PFN3: variants seen among roughly 807,000 people sequenced by gnomAD.
PFN3 encodes profilin-3.
PFN3 carries 7 observed loss-of-function variants against 6.2 expected under a neutral mutation model. That is an observed-to-expected ratio of 1.13 (90% confidence interval 0.64 to 2.13). The LOEUF (loss-of-function observed/expected upper bound fraction) is 2.13. PFN3 is among the 30% of genes most tolerant of loss of function. The probability of loss-of-function intolerance (pLI) is 0.00; values close to 1 mark genes in which losing one functional copy is unlikely to be tolerated. For synonymous variants in PFN3, 112 were observed against 97.7 expected (o/e 1.15, Z -0.87); for missense variants, 251 against 209.3 (o/e 1.20, Z -1.23).
rs776224837 is a variant in PFN3, at chr5:177,400,444, G to A, written c.133C>T (p.Pro45Ser). 8 of 1,553,510 alleles carry A rather than the reference G, an allele frequency of 5.1e-6. No individual in the cohort carries two copies. Among genetic ancestry groups the A allele is most frequent in the Non-Finnish European group, 6.9e-6 (8 of 1,156,246 alleles). The change falls in exon 1 of 1, where the codon CCG (proline) becomes TCG (serine). Residue 45 changes from proline (P) to serine (S), a missense_variant. Transcript: ENST00000358571. ...CCCGTGAGCACGCCCACCTCCTGCG[G>A]CGAGATGGCCGCCAGCAGGCCCCCG... ...RPGGLLAAIS[P>S]QEVGVLTGPD...
chr5:177,400,207 T>A lies in PFN3; in HGVS notation c.370A>T (p.Thr124Ser). Residue 124 changes from threonine to serine, a missense_variant, in exon 1 of 1, where the codon ACG becomes TCG. Physicochemically the swap from Thr to Ser is moderately conservative, Grantham distance 58. Transcript: ENST00000358571. ...AGCCCGCGTATGAGTTCGTGCACCG[T>A]CTTGTTGAGGATGCCCCCATGTACG... Reference protein sequence around the residue: ...RGVHGGILNKTVHELIRGLRM... With the variant: ...RGVHGGILNKSVHELIRGLRM... 6.2e-7 allele frequency: 1 copy of A among 1,612,030 alleles called. No homozygotes were observed. Among genetic ancestry groups the A allele is most frequent in the African/African-American group, 1.3e-5 (1 of 75,024 alleles).
rs767386787 is a variant in PFN3 at position 177,400,577 on chromosome 5, C to A, written c.-1G>T. The A allele has an allele frequency of 6.3e-7, 1 of 1,593,560 alleles. No homozygotes were observed. Among genetic ancestry groups the A allele is most frequent in the Non-Finnish European group, 8.5e-7 (1 of 1,177,904 alleles). On this transcript the variant is annotated 5_prime_UTR_variant, in exon 1 of 1. Coordinates refer to ENST00000358571, the MANE Select transcript of PFN3 (RefSeq NM_001029886.3). The stretch of plus-strand genomic sequence containing the variant: ...TGATGTAGACCTTCCAGTCGCCCAT[C>A]GCGCTCCGAGTGCGCCCAGCCGCCT...
At position 177,400,572 on chromosome 5, in the gene PFN3, C is replaced by G. The variant is rs774393540; in HGVS notation, c.5G>C (p.Gly2Ala). 1 of 1,594,414 alleles carries G rather than the reference C, an allele frequency of 6.3e-7. No homozygotes were observed. Among genetic ancestry groups the G allele is most frequent in the Non-Finnish European group, 8.5e-7 (1 of 1,178,264 alleles). ...TGCACTGATGTAGACCTTCCAGTCGCCCATCGCGCTCCGAGTGCGCCCAGC... is the reference window on the plus strand; with the variant it reads ...TGCACTGATGTAGACCTTCCAGTCGGCCATCGCGCTCCGAGTGCGCCCAGC... M[G>A]DWKVYISAVL... The change falls in exon 1 of 1, where the codon GGC becomes GCC. Residue 2 changes from glycine to alanine, a missense_variant. Gly to Ala is a moderately conservative substitution (Grantham distance 60). Coordinates refer to ENST00000358571, the MANE Select transcript of PFN3 (RefSeq NM_001029886.3).
rs556590212 is a variant in PFN3, at chr5:177,400,296, T to A, written c.281A>T (p.Asp94Val). Residue 94 changes from aspartate (D) to valine (V), a missense_variant, in exon 1 of 1, where the codon GAC becomes GTC. Physicochemically the swap from Asp to Val is radical, Grantham distance 152. Coordinates refer to ENST00000358571, the MANE Select transcript of PFN3 (RefSeq NM_001029886.3). ...ACGGCCCACGCACACGGCGCGCGCGTCCAGCCCCTTGGTGCGTGCGTCCAG... is the reference window on the plus strand; with the variant it reads ...ACGGCCCACGCACACGGCGCGCGCGACCAGCCCCTTGGTGCGTGCGTCCAG... ...GVLDARTKGL[D>V]ARAVCVGRAP... 1 of 1,586,938 alleles carries A rather than the reference T, an allele frequency of 6.3e-7. No homozygotes were observed. Among genetic ancestry groups the A allele is most frequent in the South Asian group, 1.1e-5 (1 of 88,602 alleles).
chr5:177,400,416 G>T lies in PFN3; in HGVS notation c.161C>A (p.Pro54Gln). 6.5e-7 allele frequency: 1 copy of T among 1,541,302 alleles called. No homozygotes were observed. The highest frequency in any genetic ancestry group is 8.7e-7 in the Non-Finnish European group (1 of 1,147,416). Residue 54 changes from proline to glutamine, a missense_variant, in exon 1 of 1, where the codon CCG becomes CAG. Pro to Gln is a moderately conservative substitution (Grantham distance 76). Coordinates refer to ENST00000358571, the MANE Select transcript of PFN3 (RefSeq NM_001029886.3). The part of the protein sequence containing the change: ...SPQEVGVLTG[P>Q]DRHTFLQAGL... The stretch of plus-strand genomic sequence containing the variant: ...CGCCTGCAGGAAGGTGTGCCTGTCC[G>T]GCCCCGTGAGCACGCCCACCTCCTG...
Position 177,400,459 on chromosome 5 carries a change from G to A in PFN3, c.118C>T (p.Leu40=), listed in dbSNP as rs1211918852. ...CVWASRPGGL[L]AAISPQEVGV... ...ACCTCCTGCGGCGAGATGGCCGCCAGCAGGCCCCCGGGCCGCGAAGCCCAC... is the reference window on the plus strand; with the variant it reads ...ACCTCCTGCGGCGAGATGGCCGCCAACAGGCCCCCGGGCCGCGAAGCCCAC... Residue 40 remains leucine, a synonymous_variant, in exon 1 of 1, where the codon CTG becomes TTG. Transcript: ENST00000358571. 6.4e-7 allele frequency: 1 copy of A among 1,566,610 alleles called. No individual in the cohort carries two copies. The highest frequency in any genetic ancestry group is 8.6e-7 in the Non-Finnish European group (1 of 1,163,802).
At position 177,400,645 on chromosome 5, in the gene PFN3, C is replaced by T. The variant is rs6869526; in HGVS notation, c.-69G>A. On this transcript the variant is annotated 5_prime_UTR_variant, in exon 1 of 1. Coordinates refer to ENST00000358571, the MANE Select transcript of PFN3 (RefSeq NM_001029886.3). ...TATAGAGGCGCCACGCGGGGAAGGC[C>T]TGCGGCGCTGTGAGGCAGGCTGGGC... is the stretch of plus-strand genomic sequence containing the variant. 4.5e-3 allele frequency: 6,893 copies of T among 1,522,522 alleles called. 219 individuals carry two copies. The African/African-American group carries it at 0.08, about 18-fold the overall frequency. 94.3% of individuals were successfully genotyped at this position (1,522,522 alleles called of 1,614,324 possible). A position where few individuals can be genotyped will look rare whatever the true frequency, so the allele number is the denominator to read the frequency against.
rs1472969887 is a variant in PFN3, at chr5:177,400,259, C to G, written c.318G>C (p.Ala106=). Residue 106 remains alanine (A), a synonymous_variant, in exon 1 of 1, where the codon GCG becomes GCC. Transcript: ENST00000358571. ...RAVCVGRAPR[A]LLVLMGRRGV... is the part of the protein sequence containing the mutation. The stretch of plus-strand genomic sequence containing the variant: ...CGCGTCGGCCCATTAGCACCAGGAG[C>G]GCGCGCGGCGCACGGCCCACGCACA... The G allele has an allele frequency of 6.2e-7, 1 of 1,608,832 alleles. No homozygotes were observed. Among genetic ancestry groups the G allele is most frequent in the Non-Finnish European group, 8.5e-7 (1 of 1,178,136 alleles).
rs761244596 is a variant in PFN3 at position 177,400,354 on chromosome 5, G to A, written c.223C>T (p.Arg75Cys). 3 of 1,534,778 alleles carry A rather than the reference G, an allele frequency of 2.0e-6. No individual in the cohort carries two copies. Among genetic ancestry groups the A allele is most frequent in the Middle Eastern group, 1.7e-4 (1 of 5,912 alleles). Residue 75 changes from arginine (R) to cysteine (C), a missense_variant, in exon 1 of 1, where the codon CGC becomes TGC. Arg to Cys is a radical substitution (Grantham distance 180, BLOSUM62 -3). Transcript: ENST00000358571. ...TCACCCTCGGCCAGCAGGTGGTCGCGGATGACGCAGCAGCGGCGGCCCCCC... is the reference window on the plus strand; with the variant it reads ...TCACCCTCGGCCAGCAGGTGGTCGCAGATGACGCAGCAGCGGCGGCCCCCC... ...SVGGRRCCVIRDHLLAEGDGV... is the reference protein window; with the variant it reads ...SVGGRRCCVICDHLLAEGDGV...
rs1056680130 is a variant in PFN3, at chr5:177,400,659, G to A, written c.-83C>T. On this transcript the variant is annotated 5_prime_UTR_variant, in exon 1 of 1. Transcript: ENST00000358571. ...GCGGGGAAGGCCTGCGGCGCTGTGA[G>A]GCAGGCTGGGCGGGGCTGTGACGTC... The A allele has an allele frequency of 3.3e-5, 49 of 1,490,516 alleles. No homozygotes were observed. The highest frequency in any genetic ancestry group is 7.5e-5 in the East Asian group (3 of 39,876). The allele number at this position is 1,490,516 out of a possible 1,614,324, so 92.3% of individuals were successfully genotyped here.
At position 177,400,239 on chromosome 5, in the gene PFN3, C is replaced by G. The variant is rs774566804; in HGVS notation, c.338G>C (p.Arg113Pro). 1.2e-6 allele frequency: 2 copies of G among 1,611,552 alleles called. No homozygotes were observed. Among genetic ancestry groups the G allele is most frequent in the Admixed American group, 3.3e-5 (2 of 59,930 alleles). ...GAGGATGCCCCCATGTACGCCGCGTCGGCCCATTAGCACCAGGAGCGCGCG... is the reference window on the plus strand; with the variant it reads ...GAGGATGCCCCCATGTACGCCGCGTGGGCCCATTAGCACCAGGAGCGCGCG... ...APRALLVLMGRRGVHGGILNK... is the reference protein window; with the variant it reads ...APRALLVLMGPRGVHGGILNK... The change falls in exon 1 of 1, where the codon CGA becomes CCA. Residue 113 changes from arginine (R) to proline (P), a missense_variant. Transcript: ENST00000358571.
chr5:177,400,443 G>A lies in PFN3; in HGVS notation c.134C>T (p.Pro45Leu). ...CCCCGTGAGCACGCCCACCTCCTGC[G>A]GCGAGATGGCCGCCAGCAGGCCCCC... ...RPGGLLAAIS[P>L]QEVGVLTGPD... is the part of the protein sequence containing the mutation. The change falls in exon 1 of 1, where the codon CCG becomes CTG. Residue 45 changes from proline to leucine, a missense_variant. Transcript: ENST00000358571. 4.5e-6 allele frequency: 7 copies of A among 1,552,822 alleles called. No homozygotes were observed. Among genetic ancestry groups the A allele is most frequent in the Non-Finnish European group, 6.1e-6 (7 of 1,155,752 alleles).
rs1763097425 is a variant in PFN3 at position 177,400,308 on chromosome 5, G to C, written c.269C>G (p.Thr90Ser). ...AEGDGVLDARTKGLDARAVCV... is the reference protein window; with the variant it reads ...AEGDGVLDARSKGLDARAVCV... Reference sequence around the variant, plus strand: ...CACGGCGCGCGCGTCCAGCCCCTTGGTGCGTGCGTCCAGCACGCCGTCACC... The same window carrying C: ...CACGGCGCGCGCGTCCAGCCCCTTGCTGCGTGCGTCCAGCACGCCGTCACC... The change falls in exon 1 of 1, where the codon ACC becomes AGC. Residue 90 changes from threonine to serine, a missense_variant. Physicochemically the swap from Thr to Ser is moderately conservative, Grantham distance 58. Transcript: ENST00000358571. 2 of 1,575,304 alleles carry C rather than the reference G, an allele frequency of 1.3e-6. No homozygotes were observed. Among genetic ancestry groups the C allele is most frequent in the Admixed American group, 3.7e-5 (2 of 53,688 alleles).
Position 177,400,349 on chromosome 5 carries a change from G to A in PFN3, c.228C>T (p.Asp76=), listed in dbSNP as rs1763099762. The change falls in exon 1 of 1, where the codon GAC becomes GAT. Residue 76 remains aspartate (D), a synonymous_variant. Coordinates refer to ENST00000358571, the MANE Select transcript of PFN3 (RefSeq NM_001029886.3). ...VGGRRCCVIR[D]HLLAEGDGVL... ...CGCCGTCACCCTCGGCCAGCAGGTG[G>A]TCGCGGATGACGCAGCAGCGGCGGC... 2 of 1,535,894 alleles carry A rather than the reference G, an allele frequency of 1.3e-6. No individual in the cohort carries two copies. The highest frequency in any genetic ancestry group is 1.8e-6 in the Non-Finnish European group (2 of 1,142,248).
Position 177,400,240 on chromosome 5 carries a change from G to C in PFN3, c.337C>G (p.Arg113Gly), listed in dbSNP as rs759887952. The C allele has an allele frequency of 1.2e-6, 2 of 1,611,468 alleles. No individual in the cohort carries two copies. The highest frequency in any genetic ancestry group is 1.7e-5 in the Admixed American group (1 of 59,924). ...AGGATGCCCCCATGTACGCCGCGTC[G>C]GCCCATTAGCACCAGGAGCGCGCGC... ...APRALLVLMGRRGVHGGILNK... is the reference protein window; with the variant it reads ...APRALLVLMGGRGVHGGILNK... The change falls in exon 1 of 1, where the codon CGA (arginine) becomes GGA (glycine). Residue 113 changes from arginine to glycine, a missense_variant. Transcript: ENST00000358571.
rs779334502 is a variant in PFN3 at position 177,400,414 on chromosome 5, C to G, written c.163G>C (p.Asp55His). 2.6e-6 allele frequency: 4 copies of G among 1,540,906 alleles called. No individual in the cohort carries two copies. Among genetic ancestry groups the G allele is most frequent in the Middle Eastern group, 1.7e-4 (1 of 5,922 alleles). Reference protein sequence around the residue: ...PQEVGVLTGPDRHTFLQAGLS... With the variant: ...PQEVGVLTGPHRHTFLQAGLS... Reference sequence around the variant, plus strand: ...CCCGCCTGCAGGAAGGTGTGCCTGTCCGGCCCCGTGAGCACGCCCACCTCC... The same window carrying G: ...CCCGCCTGCAGGAAGGTGTGCCTGTGCGGCCCCGTGAGCACGCCCACCTCC... The change falls in exon 1 of 1, where the codon GAC (aspartate) becomes CAC (histidine). Residue 55 changes from aspartate to histidine, a missense_variant. Coordinates refer to ENST00000358571, the MANE Select transcript of PFN3 (RefSeq NM_001029886.3).
At position 177,400,560 on chromosome 5, in the gene PFN3, A is replaced by C; in HGVS notation, c.17T>G (p.Val6Gly). 1 of 1,595,756 alleles carries C rather than the reference A, an allele frequency of 6.3e-7. No individual in the cohort carries two copies. Among genetic ancestry groups the C allele is most frequent in the Non-Finnish European group, 8.5e-7 (1 of 1,178,712 alleles). Residue 6 changes from valine (V) to glycine (G), a missense_variant, in exon 1 of 1, where the codon GTC becomes GGC. Transcript: ENST00000358571. ...GTCCCGCAGCACTGCACTGATGTAGACCTTCCAGTCGCCCATCGCGCTCCG... is the reference window on the plus strand; with the variant it reads ...GTCCCGCAGCACTGCACTGATGTAGCCCTTCCAGTCGCCCATCGCGCTCCG... MGDWKVYISAVLRDQR... is the reference protein window; with the variant it reads MGDWKGYISAVLRDQR...
In PFN3 at chr5:177,400,131, C is replaced by T. The variant is rs557123546; in HGVS notation, c.*32G>A. On this transcript the variant is annotated 3_prime_UTR_variant, in exon 1 of 1. Coordinates refer to ENST00000358571, the MANE Select transcript of PFN3 (RefSeq NM_001029886.3). ...GCGCCCAGGTCACAGTTTATTTGGC[C>T]CGCGCTACCAGTGGGCGGCCTGGCT... 6.2e-7 allele frequency: 1 copy of T among 1,606,444 alleles called. No homozygotes were observed. The highest frequency in any genetic ancestry group is 1.3e-5 in the African/African-American group (1 of 74,564).
chr5:177,400,610 C>T lies in PFN3; in HGVS notation c.-34G>A. The T allele has an allele frequency of 3.8e-6, 6 of 1,581,166 alleles. No individual in the cohort carries two copies. Among genetic ancestry groups the T allele is most frequent in the Non-Finnish European group, 4.3e-6 (5 of 1,172,136 alleles). On this transcript the variant is annotated 5_prime_UTR_variant, in exon 1 of 1. Coordinates refer to ENST00000358571, the MANE Select transcript of PFN3 (RefSeq NM_001029886.3). ...GAGTGCGCCCAGCCGCCTCGCACCT[C>T]TCGGGGAAATATAGAGGCGCCACGC...
Sources: allele counts gnomAD v4.1 joint callset, GRCh38; gene constraint gnomAD v4.1.1; transcripts MANE v1.5; gene names NCBI Gene and HGNC (gene_info 2026-07-23, HGNC 2026-07-21).